CARMIL1: variants seen among roughly 807,000 people sequenced by gnomAD.
The protein encoded by CARMIL1 is capping protein regulator and myosin 1 linker 1.
Under a neutral mutation model 177.1 loss-of-function variants are expected in CARMIL1, and 90 were observed. That is an observed-to-expected ratio of 0.51 (90% CI 0.43 to 0.61). The LOEUF is 0.61. Ranked by LOEUF, CARMIL1 falls within the 20% of genes least tolerant of loss-of-function variation. The pLI is 0.00. For synonymous variants in CARMIL1, 577 were observed against 606.2 expected (o/e 0.95, Z 0.71); for missense variants, 1,380 against 1,667.0 (o/e 0.83, Z 3.00).
chr6:25,553,879 A>T (rs1810367092), intron 27 of CARMIL1, 130 bp from the exon 28 acceptor site: 1 of 644,852 alleles, frequency 1.6e-6, no homozygotes, highest in Admixed American at 2.2e-5. Context: ...CTGTTCACAC[A>T]TTCTTATATT....
chr6:25,404,886 G>A (rs1294933917), intron 2 of CARMIL1, among the ~76,000 whole-genome samples: 1 of 152,180 alleles, frequency 6.6e-6, no homozygotes, highest in Non-Finnish European at 1.5e-5. Context: ...GGGATCTGTA[G>A]CAGTAAAGAC....
chr6:25,538,111 A>AGTTCACTTTGCC, intron 25 of CARMIL1, 128 bp downstream of exon 25: 1 of 1,019,876 alleles, frequency 9.8e-7, no homozygotes, highest in Non-Finnish European at 1.4e-6. Context: ...TGGCAAAGTG[A>AGTTCACTTTGCC]ACTGAATTAG....
At chr6:25,548,555 G>A (rs1809755897) in intron 26 of CARMIL1, among the ~76,000 whole-genome samples, 1 of 152,170 alleles carries the variant, frequency 6.6e-6, no homozygotes, top group Admixed American at 6.5e-5. Context: ...GAAGCCACGG[G>A]AAGGATGGAT....
At chr6:25,532,822 G>A (rs1481243555) in intron 24 of CARMIL1, among the ~76,000 whole-genome samples, 3 of 152,160 alleles carry the variant, frequency 2.0e-5, no homozygotes, top group Admixed American at 6.5e-5. Flanking sequence ...GTAAAAAGCC[G>A]TATAGTAAAT....
At chr6:25,482,823 C>G (rs1365849650) in intron 12 of CARMIL1, among the ~76,000 whole-genome samples, 2 of 151,700 alleles carry the variant, frequency 1.3e-5, no homozygotes, top group African/African-American at 4.8e-5. Context: ...TTCCTAACTT[C>G]ACTCACCTTC....
intron 2 of CARMIL1, among the ~76,000 whole-genome samples, chr6:25,349,890 A>G (rs933331553): frequency 6.6e-6 from 1 of 151,950 alleles, no homozygotes; most frequent in Non-Finnish European, 1.5e-5. Flanking sequence ...CACCACGCCC[A>G]GCTAATTTTT....
chr6:25,600,789 A>G, intron 33 of CARMIL1, 43 bp downstream of exon 33: 3 of 1,407,644 alleles, frequency 2.1e-6, no homozygotes, highest in Non-Finnish European at 1.9e-6. Flanking sequence ...TATTTGATAT[A>G]TAATAGATGC....
intron 5 of CARMIL1, among the ~76,000 whole-genome samples, chr6:25,445,386 T>C (rs1798129015): frequency 6.6e-6 from 1 of 152,222 alleles, no homozygotes; most frequent in Non-Finnish European, 1.5e-5. Flanking sequence ...CTGTTGATGT[T>C]GATATTTTGA....
At chr6:25,485,475 G>C (rs1434136137) in intron 12 of CARMIL1, among the ~76,000 whole-genome samples, 1 of 152,222 alleles carries the variant, frequency 6.6e-6, no homozygotes, top group Admixed American at 6.5e-5. Flanking sequence ...GAGTGCAGTT[G>C]CACGATCTTG....
chr6:25,564,181 ACTCT>A (rs1451514599), intron 29 of CARMIL1, among the ~76,000 whole-genome samples: 1 of 151,914 alleles, frequency 6.6e-6, no homozygotes, highest in African/African-American at 2.4e-5. Context: ...ATCTATAATA[ACTCT>A]CTCTACCTGG....
At position 25,565,499 on chromosome 6, in the gene CARMIL1, C is replaced by G. The variant is rs551471568; in HGVS notation, c.2742+8649C>G. On this transcript the variant is annotated intron_variant, in intron 29 of 36. Transcript: ENST00000329474. ...CTGCCTTCCCTGAAGTGATCATTGC[C>G]TCTTTAGTTCTATCAGCATTGTTCT... is the stretch of plus-strand genomic sequence containing the variant. Among the ~76,000 whole-genome samples, 19 of 152,334 alleles carry G rather than the reference C, an allele frequency of 1.2e-4. 1 individual carries two copies. In the East Asian group the frequency reaches 1.5e-3, roughly 12 times the overall value.
intron 5 of CARMIL1, among the ~76,000 whole-genome samples, chr6:25,444,577 A>G (rs1395908759): frequency 2.0e-5 from 3 of 152,060 alleles, no homozygotes; most frequent in Non-Finnish European, 2.9e-5. Flanking sequence ...CCTGTGTCCA[A>G]GTGATCTCAT....
chr6:25,595,015 AACAG>A (rs1163579017), intron 32 of CARMIL1, among the ~76,000 whole-genome samples: 1 of 152,230 alleles, frequency 6.6e-6, no homozygotes, highest in African/African-American at 2.4e-5. Flanking sequence ...GGCATGATTT[AACAG>A]ACAGTGTCAA....
In CARMIL1 at chr6:25,581,368, G is replaced by C. The variant is rs896485243; in HGVS notation, c.2935G>C (p.Gly979Arg). ...TATCTCTGAGTTGCCCTCTGAAGAG[G>C]GGAAGAAGCTGGAACACTTTACCAA... ...GFISELPSEE[G>R]KKLEHFTKLR... is the part of the protein sequence containing the mutation. The change falls in exon 31 of 37, where the codon GGG (glycine) becomes CGG (arginine). Residue 979 changes from glycine to arginine, a missense_variant. By Grantham distance (125) the Gly-to-Arg change is moderately radical. Coordinates refer to ENST00000329474, the MANE Select transcript of CARMIL1 (RefSeq NM_017640.6). 2 of 1,613,572 alleles carry C rather than the reference G, an allele frequency of 1.2e-6. No homozygotes were observed. Among genetic ancestry groups the C allele is most frequent in the Non-Finnish European group, 8.5e-7 (1 of 1,179,816 alleles).
intron 2 of CARMIL1, among the ~76,000 whole-genome samples, chr6:25,335,705 C>T (rs1786141103): frequency 6.6e-6 from 1 of 152,258 alleles, no homozygotes; most frequent in Non-Finnish European, 1.5e-5. Flanking sequence ...GAACGCAGCA[C>T]CTGAGTGGCC....
intron 33 of CARMIL1, among the ~76,000 whole-genome samples, chr6:25,603,005 T>C (rs1165934192): frequency 6.6e-6 from 1 of 152,236 alleles, no homozygotes; most frequent in Non-Finnish European, 1.5e-5. Context: ...CATTGTATTA[T>C]TTTATCCTTA....
chr6:25,421,690 A>C (rs1244083146), intron 3 of CARMIL1, among the ~76,000 whole-genome samples: 1 of 69,076 alleles, frequency 1.4e-5, no homozygotes, highest in Non-Finnish European at 3.3e-5. Context: ...AATACTACGC[A>C]GCCATAAAAG....
intron 9 of CARMIL1, among the ~76,000 whole-genome samples, chr6:25,466,339 T>G (rs986729812): frequency 6.6e-6 from 1 of 152,222 alleles, no homozygotes; most frequent in South Asian, 2.1e-4. Flanking sequence ...AGGAAAACAT[T>G]AACAGGTAGA....
At chr6:25,311,038 C>T (rs549609824) in intron 2 of CARMIL1, among the ~76,000 whole-genome samples, 30 of 150,234 alleles carry the variant, frequency 2.0e-4, no homozygotes, top group East Asian at 6.0e-4. Context: ...AAAAACTGGC[C>T]GGGTGTGGTG....
Sources: gnomAD v4.1 joint callset for allele counts (sites outside exome capture counted in the v4.1 genomes callset) on GRCh38, gnomAD v4.1.1 for gene constraint, MANE v1.5 for transcripts, NCBI Gene and HGNC (gene_info 2026-07-23, HGNC 2026-07-21) for gene names.